The following GALNT2 variants were observed in gnomAD, a reference collection of about 807,000 sequenced individuals.
GALNT2 encodes the protein UDP-GalNAc:polypeptide N-acetylgalactosaminyltransferase 2.
GALNT2 carries 31 observed loss-of-function variants against 81.4 expected under a neutral mutation model. The ratio of observed to expected loss-of-function variants is 0.38; its 90% CI spans 0.29 to 0.51. The LOEUF (loss-of-function observed/expected upper bound fraction) is 0.51. GALNT2 is among the 20% of genes least tolerant of loss of function. The pLI is 0.87. For synonymous variants in GALNT2, 303 were observed against 287.4 expected (o/e 1.05, Z -0.55); for missense variants, 629 against 765.7 (o/e 0.82, Z 2.11).
intron 1 of GALNT2, among the ~76,000 whole-genome samples, chr1:230,139,456 T>C (rs941223573): frequency 1.3e-5 from 2 of 151,950 alleles, no homozygotes; most frequent in African/African-American, 2.4e-5. Context: ...GAGTTCAGGG[T>C]CTCAGCCTCT....
At chr1:230,238,547 A>T (rs1452296456) in intron 6 of GALNT2, among the ~76,000 whole-genome samples, 2 of 152,258 alleles carry the variant, frequency 1.3e-5, no homozygotes, top group African/African-American at 4.8e-5. Flanking sequence ...AGGCCCTTAC[A>T]GCTATTTAAT....
intron 2 of GALNT2, among the ~76,000 whole-genome samples, chr1:230,191,919 T>A (rs1322087980): frequency 6.6e-6 from 1 of 152,268 alleles, no homozygotes; most frequent in Non-Finnish European, 1.5e-5. Context: ...TCAGCACCTC[T>A]TCAGCTGTGG....
chr1:230,272,880 C>T (rs1400404584), intron 14 of GALNT2, among the ~76,000 whole-genome samples: 5 of 152,114 alleles, frequency 3.3e-5, no homozygotes, highest in Admixed American at 2.6e-4. Context: ...GCAATCCTTC[C>T]ACCTCAGCCT....
chr1:230,063,622 T>C (rs906279094), upstream of GALNT2, among the ~76,000 whole-genome samples: 8 of 152,224 alleles, frequency 5.3e-5, no homozygotes, highest in Non-Finnish European at 1.0e-4. Context: ...ACCTCTAACA[T>C]TGTCTAAAGT....
intron 14 of GALNT2, among the ~76,000 whole-genome samples, chr1:230,273,594 TG>T (rs1277487374): frequency 6.6e-6 from 1 of 152,264 alleles, no homozygotes; most frequent in Admixed American, 6.5e-5. Context: ...CGGCCTCCTC[TG>T]CCACCTGGGA....
chr1:230,254,520 C>T (rs532624574), intron 10 of GALNT2, among the ~76,000 whole-genome samples: 1 of 152,236 alleles, frequency 6.6e-6, no homozygotes, highest in East Asian at 1.9e-4. Context: ...TAAGGCAGTC[C>T]CTAAGTCCAT....
At position 230,203,866 on chromosome 1, in the gene GALNT2, C is replaced by A. The variant is rs1663981537; in HGVS notation, c.374+576C>A. Among the ~76,000 whole-genome samples, 3 of 152,120 alleles carry A rather than the reference C, an allele frequency of 2.0e-5. No individual in the cohort carries two copies. The South Asian group carries it at 6.2e-4, about 32-fold the overall frequency. On this transcript the variant is annotated intron_variant, in intron 3 of 15. Transcript: ENST00000366672. The stretch of plus-strand genomic sequence containing the variant: ...TAGAGATAGGGTCTCCCTCTATCAC[C>A]CAGGTTGGAATGCAGTGGTGCGATC...
intron 14 of GALNT2, among the ~76,000 whole-genome samples, chr1:230,273,544 A>G (rs1261275596): frequency 6.6e-6 from 1 of 152,124 alleles, no homozygotes; most frequent in African/African-American, 2.4e-5. Context: ...CAGAAGCCTC[A>G]CCTTCCAGTC....
chr1:230,280,541 T>C lies in GALNT2; in HGVS notation c.*1083T>C, dbSNP rs1666408986. On this transcript the variant is annotated 3_prime_UTR_variant, in exon 16 of 16. Transcript: ENST00000366672. ...ATGATGCCAGGCAGCTGTCACACGC[T>C]AGTATTGGCTTCATTGTGATCTGAG... 6.3e-6 allele frequency: 1 copy of C among 158,748 alleles called. No individual in the cohort carries two copies. Among genetic ancestry groups the C allele is most frequent in the Non-Finnish European group, 1.4e-5 (1 of 71,398 alleles). 9.8% of individuals were successfully genotyped at this position (158,748 alleles called of 1,614,324 possible). A position where few individuals can be genotyped will look rare whatever the true frequency, so the allele number is the denominator to read the frequency against.
intron 1 of GALNT2, among the ~76,000 whole-genome samples, chr1:230,103,629 C>G (rs774338366): frequency 6.6e-6 from 1 of 151,958 alleles, no homozygotes; most frequent in African/African-American, 2.4e-5. Flanking sequence ...GAGATTCTTG[C>G]AGGATTTTGT....
At chr1:230,086,105 G>A (rs1330239511) in intron 1 of GALNT2, among the ~76,000 whole-genome samples, 1 of 152,184 alleles carries the variant, frequency 6.6e-6, no homozygotes, top group African/African-American at 2.4e-5. Context: ...CAGAACAAAT[G>A]ACAAGATTTT....
At chr1:230,123,420 A>C (rs556187108) in intron 1 of GALNT2, among the ~76,000 whole-genome samples, 1 of 152,200 alleles carries the variant, frequency 6.6e-6, no homozygotes. Context: ...CCAGGGGACT[A>C]CTTTGAAGAG....
At position 230,170,315 on chromosome 1, in the gene GALNT2, G is replaced by T. The variant is rs1662749623; in HGVS notation, c.127-7903G>T. Among the ~76,000 whole-genome samples, 4 of 152,294 alleles carry T rather than the reference G, an allele frequency of 2.6e-5. No homozygotes were observed. The East Asian group carries it at 7.7e-4, about 29-fold the overall frequency. On this transcript the variant is annotated intron_variant, in intron 1 of 15. Transcript: ENST00000366672. The stretch of plus-strand genomic sequence containing the variant: ...AAACATGCTTCAGAAATATTTGAGA[G>T]ACTGAATGAAGCCTGTCTCTGGTCT...
intron 1 of GALNT2, among the ~76,000 whole-genome samples, chr1:230,158,957 A>T (rs1259778260): frequency 6.6e-6 from 1 of 152,326 alleles, no homozygotes. Flanking sequence ...TTTGGATTTC[A>T]GTGGCCTCTG....
At chr1:230,217,353 C>T (rs1303244356) in intron 3 of GALNT2, among the ~76,000 whole-genome samples, 2 of 152,086 alleles carry the variant, frequency 1.3e-5, no homozygotes, top group Non-Finnish European at 2.9e-5. Context: ...AGAGAGTTCT[C>T]ATCAGGGGAG....
chr1:230,229,028 A>G (rs1276834144), intron 3 of GALNT2, among the ~76,000 whole-genome samples: 3 of 152,260 alleles, frequency 2.0e-5, no homozygotes, highest in African/African-American at 7.2e-5. Context: ...AAGTTTAAAC[A>G]TTTGAAATAA....
intron 1 of GALNT2, among the ~76,000 whole-genome samples, chr1:230,101,784 C>T (rs925102686): frequency 6.6e-5 from 10 of 152,342 alleles, no homozygotes; most frequent in South Asian, 4.1e-4. Context: ...ATTGCCCTCT[C>T]TTTCATCATG....
chr1:230,252,635 A>G (rs940017701), intron 10 of GALNT2, among the ~76,000 whole-genome samples: 1 of 152,166 alleles, frequency 6.6e-6, no homozygotes, highest in Non-Finnish European at 1.5e-5. Context: ...ATTATCCTCA[A>G]AGTTATAGGG....
chr1:230,211,382 G>T (rs569653955), intron 3 of GALNT2, among the ~76,000 whole-genome samples: 1 of 152,206 alleles, frequency 6.6e-6, no homozygotes, highest in Admixed American at 6.5e-5. Flanking sequence ...TGGGGCAGGT[G>T]GAGTTTGGGT....
Sources: allele counts gnomAD v4.1 joint callset (sites outside exome capture counted in the v4.1 genomes callset), GRCh38; gene constraint gnomAD v4.1.1; transcripts MANE v1.5; gene names NCBI Gene and HGNC (gene_info 2026-07-23, HGNC 2026-07-21).